LRRC4C: variants seen among roughly 807,000 people sequenced by gnomAD.
The protein encoded by LRRC4C is leucine rich repeat containing 4C.
LRRC4C carries 5 observed loss-of-function variants against 33.6 expected under a neutral mutation model. The ratio of observed to expected loss-of-function variants is 0.15; its 90% CI spans 0.08 to 0.31. LRRC4C has a LOEUF of 0.31. Among genes scored for constraint, LRRC4C ranks in the 10% least tolerant of loss-of-function variants. The probability of loss-of-function intolerance (pLI) is 1.00; values close to 1 mark genes in which losing one functional copy is unlikely to be tolerated. For synonymous variants in LRRC4C, 329 were observed against 302.0 expected (o/e 1.09, Z -0.93); for missense variants, 560 against 796.7 (o/e 0.70, Z 3.58).
chr11:40,886,270 A>G (rs781133887), intron 2 of LRRC4C, among the ~76,000 whole-genome samples: 5 of 152,006 alleles, frequency 3.3e-5, no homozygotes, highest in Non-Finnish European at 7.4e-5. Context: ...TCTTAGCCCT[A>G]GAAAAACCCA....
chr11:40,330,973 C>T (rs1032909057), intron 3 of LRRC4C, among the ~76,000 whole-genome samples: 12 of 152,126 alleles, frequency 7.9e-5, no homozygotes, highest in Non-Finnish European at 1.2e-4. Flanking sequence ...CTATTCTTCC[C>T]TTCCCCATAC....
chr11:40,437,865 G>A (rs1590734347), intron 3 of LRRC4C, among the ~76,000 whole-genome samples: 1 of 152,048 alleles, frequency 6.6e-6, no homozygotes, highest in Non-Finnish European at 1.5e-5. Flanking sequence ...ATGCCACCAC[G>A]CCTGACTAAT....
At chr11:40,604,495 T>G (rs1316746314) in intron 3 of LRRC4C, among the ~76,000 whole-genome samples, 1 of 152,126 alleles carries the variant, frequency 6.6e-6, no homozygotes, top group Non-Finnish European at 1.5e-5. Flanking sequence ...ATGTCTTTAC[T>G]GAGAGCTAAT....
At chr11:40,582,438 A>C (rs1381812626) in intron 3 of LRRC4C, among the ~76,000 whole-genome samples, 1 of 151,522 alleles carries the variant, frequency 6.6e-6, no homozygotes, top group Non-Finnish European at 1.5e-5. Context: ...ACTCATCCAT[A>C]GTCTTTAAAA....
At chr11:40,728,065 A>G (rs895121529) in intron 2 of LRRC4C, among the ~76,000 whole-genome samples, 5 of 152,068 alleles carry the variant, frequency 3.3e-5, no homozygotes, top group Non-Finnish European at 7.4e-5. Flanking sequence ...ATCACGAATC[A>G]TAAGTGAAAT....
chr11:40,238,121 G>A (rs943841366), intron 5 of LRRC4C, among the ~76,000 whole-genome samples: 3 of 152,142 alleles, frequency 2.0e-5, no homozygotes, highest in Non-Finnish European at 4.4e-5. Context: ...GTGTTCTTAA[G>A]AGAATATCTT....
chr11:41,018,267 G>GT (rs1240614322), intron 1 of LRRC4C, among the ~76,000 whole-genome samples: 6 of 152,124 alleles, frequency 3.9e-5, no homozygotes, highest in African/African-American at 1.4e-4. Context: ...AGAGCATCTT[G>GT]TTTTTGCAAG....
intron 1 of LRRC4C, among the ~76,000 whole-genome samples, chr11:40,940,925 CTTTTT>C (rs35666750): frequency 7.6e-6 from 1 of 131,624 alleles, no homozygotes; most frequent in African/African-American, 2.7e-5. Flanking sequence ...GTTACAAAAT[CTTTTT>C]TTTTTTTTTT....
chr11:41,189,168 T>C (rs1026507408), intron 1 of LRRC4C, among the ~76,000 whole-genome samples: 2 of 152,136 alleles, frequency 1.3e-5, no homozygotes, highest in African/African-American at 4.8e-5. Context: ...AAAAAGCCTC[T>C]GACTTCACAA....
chr11:40,496,923 T>G (rs1218882620), intron 3 of LRRC4C, among the ~76,000 whole-genome samples: 1 of 152,192 alleles, frequency 6.6e-6, no homozygotes, highest in Non-Finnish European at 1.5e-5. Flanking sequence ...TGGAAAGTGA[T>G]GGCTATTGTC....
At position 40,836,809 on chromosome 11, in the gene LRRC4C, A is replaced by C. The variant is rs188704940; in HGVS notation, c.-407+96826T>G. On this transcript the variant is annotated intron_variant, in intron 2 of 6. Coordinates refer to ENST00000528697, the MANE Select transcript of LRRC4C (RefSeq NM_001258419.2). ...TTGTATTAATGAGATAAAGTATAGA[A>C]AGTCCCAGAACAACAAAAGACCTCC... Among the ~76,000 whole-genome samples, 19 of 152,260 alleles carry C rather than the reference A, an allele frequency of 1.2e-4. No homozygotes were observed. In the East Asian group the frequency reaches 3.3e-3, roughly 26 times the overall value.
At chr11:40,446,270 T>C (rs1182976862) in intron 3 of LRRC4C, 4 of 152,210 alleles carry the variant, frequency 2.6e-5, no homozygotes, top group African/African-American at 4.8e-5. Flanking sequence ...TTCTGATACA[T>C]TTCACAGTTA....
chr11:41,348,564 C>G (rs1951872181), intron 1 of LRRC4C, among the ~76,000 whole-genome samples: 1 of 151,600 alleles, frequency 6.6e-6, no homozygotes, highest in Non-Finnish European at 1.5e-5. Context: ...AGATGGCCGA[C>G]TAGATACAGC....
chr11:41,285,147 C>A (rs1400111436), intron 1 of LRRC4C, among the ~76,000 whole-genome samples: 1 of 152,156 alleles, frequency 6.6e-6, no homozygotes, highest in Non-Finnish European at 1.5e-5. Flanking sequence ...TGTTAAACAG[C>A]ACACAATGAA....
chr11:40,279,908 T>C (rs1641571959), intron 4 of LRRC4C, among the ~76,000 whole-genome samples: 1 of 152,196 alleles, frequency 6.6e-6, no homozygotes, highest in African/African-American at 2.4e-5. Context: ...TTAAAATCTT[T>C]AGTATATGAA....
At chr11:40,665,324 AAATATATATAT>A (rs1202615635) in intron 2 of LRRC4C, among the ~76,000 whole-genome samples, 12 of 10,310 alleles carry the variant, frequency 1.2e-3, no homozygotes, top group African/African-American at 2.6e-3. Flanking sequence ...AAAAAAAAAA[AAATATATATAT>A]ATATATATAT....
chr11:40,453,625 A>AAAAAAC (rs1156749171), intron 3 of LRRC4C, among the ~76,000 whole-genome samples: 3 of 151,896 alleles, frequency 2.0e-5, no homozygotes, highest in Non-Finnish European at 4.4e-5. Flanking sequence ...AAGAAAAAAA[A>AAAAAAC]AACAACTACG....
chr11:40,299,772 T>C (rs965260132), intron 4 of LRRC4C, among the ~76,000 whole-genome samples: 4 of 152,186 alleles, frequency 2.6e-5, no homozygotes, highest in Admixed American at 6.5e-5. Context: ...AGAATGTGGA[T>C]AGATAGTAGC....
intron 2 of LRRC4C, among the ~76,000 whole-genome samples, chr11:40,663,321 T>G (rs1943546306): frequency 6.6e-6 from 1 of 152,194 alleles, no homozygotes; most frequent in African/African-American, 2.4e-5. Flanking sequence ...AACCTTGTGA[T>G]CTGCCAGCCT....
Sources: allele counts gnomAD v4.1 joint callset (sites outside exome capture counted in the v4.1 genomes callset), GRCh38; gene constraint gnomAD v4.1.1; transcripts MANE v1.5; gene names NCBI Gene and HGNC (gene_info 2026-07-23, HGNC 2026-07-21).